Variants in MCM3AP observed in about 807,000 individuals in gnomAD.
MCM3AP encodes the protein minichromosome maintenance complex component 3 associated protein.
Under a neutral mutation model 184.1 loss-of-function variants are expected in MCM3AP, and 126 were observed. The observed-to-expected ratio is 0.68, with a 90% CI of 0.59 to 0.79. MCM3AP has a LOEUF of 0.79. Among genes scored for constraint, MCM3AP ranks in the 30% least tolerant of loss-of-function variants. MCM3AP has a pLI of 0.00. For synonymous variants in MCM3AP, 1,002 were observed against 979.3 expected, an observed-to-expected ratio of 1.02 and a Z score of -0.43; for missense variants, 2,496 against 2,479.2, an observed-to-expected ratio of 1.01 and a Z score of -0.14.
chr21:46,283,953 T>C lies in MCM3AP; in HGVS notation c.1219+115A>G, dbSNP rs1042058843. On this transcript the variant is annotated intron_variant, in intron 1 of 27. Coordinates refer to ENST00000291688, the MANE Select transcript of MCM3AP (RefSeq NM_003906.5). The stretch of plus-strand genomic sequence containing the variant: ...TGTAAGACCTGCTCCGATGACATGT[T>C]AGAATCCCTAATGTTTATGGGAGAT... 21 of 1,541,508 alleles carry C rather than the reference T, an allele frequency of 1.4e-5. No homozygotes were observed. In the African/African-American group the frequency reaches 2.2e-4, roughly 16 times the overall value.
At chr21:46,235,572 A>G in intron 27 of MCM3AP, 146 bp from the exon 28 acceptor site, 2 of 651,424 alleles carry the variant, frequency 3.1e-6, no homozygotes, top group Non-Finnish European at 2.6e-6. Flanking sequence ...TATCCTTTGT[A>G]TATCCTTCCA....
intron 17 of MCM3AP, chr21:46,256,484 A>C: frequency 7.5e-6 from 3 of 397,514 alleles, no homozygotes; most frequent in East Asian, 4.5e-5. Context: ...AGTGGCAGGT[A>C]CTTAAACTGG....
intron 2 of MCM3AP, 30 bp downstream of exon 2, chr21:46,283,585 G>C: frequency 3.4e-6 from 5 of 1,490,498 alleles, no homozygotes; most frequent in Non-Finnish European, 2.8e-6. Flanking sequence ...TCAAATCTAG[G>C]GTAACAAATG....
intron 4 of MCM3AP, among the ~76,000 whole-genome samples, chr21:46,278,774 C>T (rs1269678560): frequency 1.3e-5 from 2 of 151,746 alleles, no homozygotes; most frequent in Non-Finnish European, 2.9e-5. Context: ...CCCGGGTTCA[C>T]GCAGTTCTCC....
chr21:46,243,297 C>T, intron 24 of MCM3AP, 168 bp downstream of exon 24: 1 of 859,384 alleles, frequency 1.2e-6, no homozygotes, highest in Non-Finnish European at 1.8e-6. Context: ...AACTTCCTAG[C>T]CTGTCTCAAT....
rs773514273 is a variant in MCM3AP, at chr21:46,284,338, G to C, written c.949C>G (p.Arg317Gly). Residue 317 changes from arginine to glycine, a missense_variant, in exon 1 of 28, where the codon CGG becomes GGG. By Grantham distance (125) the Arg-to-Gly change is moderately radical. This residue lies in a region of MCM3AP where 800 missense variants were observed against 717.1 expected (regional missense o/e 1.12). Coordinates refer to ENST00000291688, the MANE Select transcript of MCM3AP (RefSeq NM_003906.5). ...EPAEDSDPLS[R>G]GDHPPDKRPV... The stretch of plus-strand genomic sequence containing the variant: ...CGTTTGTCTGGAGGATGATCGCCCC[G>C]GGACAGAGGATCCGAATCTTCTGCT... 6.2e-6 allele frequency: 10 copies of C among 1,614,018 alleles called. No homozygotes were observed. The highest frequency in any genetic ancestry group is 5.5e-5 in the South Asian group (5 of 91,082).
At chr21:46,253,103 C>T (rs575339423) in intron 19 of MCM3AP, 3 of 151,920 alleles carry the variant, frequency 2.0e-5, no homozygotes, top group Admixed American at 2.0e-4. Context: ...CACACCACTG[C>T]CCTCTAGCCT....
rs377313347 is a variant in MCM3AP at position 46,276,471 on chromosome 21, C to T, written c.1858+1056G>A. ...TTTTTTTCTTTTTGAGATGGAGTTT[C>T]GCTCTTGCTGCCCAGGCTGGAGTAC... On this transcript the variant is annotated intron_variant, in intron 5 of 27. Coordinates refer to ENST00000291688, the MANE Select transcript of MCM3AP (RefSeq NM_003906.5). 3.0e-4 allele frequency among the ~76,000 whole-genome samples: 46 copies of T among 151,890 alleles called. No individual in the cohort carries two copies. The South Asian group carries it at 8.3e-3, about 28-fold the overall frequency.
chr21:46,266,126 C>T lies in MCM3AP; in HGVS notation c.2830G>A (p.Gly944Arg), dbSNP rs1399269122. ...ACCGACTTCCTGGTCTTGGATAATC[C>T]CTCTGGTTCCAGGAATGCAGACCGG... ...LNRSAFLEPE[G>R]LSKTRKSVFI... Residue 944 changes from glycine to arginine, a missense_variant, in exon 11 of 28, where the codon GGA (glycine) becomes AGA (arginine). This residue lies in a region of MCM3AP where 138 missense variants were observed against 191.9 expected (regional missense o/e 0.72). Coordinates refer to ENST00000291688, the MANE Select transcript of MCM3AP (RefSeq NM_003906.5). The T allele has an allele frequency of 6.2e-7, 1 of 1,611,770 alleles. No homozygotes were observed. The highest frequency in any genetic ancestry group is 8.5e-7 in the Non-Finnish European group (1 of 1,178,992).
intron 8 of MCM3AP, among the ~76,000 whole-genome samples, chr21:46,271,278 C>T (rs1008605481): frequency 4.0e-5 from 6 of 151,190 alleles, no homozygotes; most frequent in Admixed American, 6.6e-5. Flanking sequence ...CCTCTCATCT[C>T]GGCCTCCCAA....
In MCM3AP at chr21:46,285,052, A is replaced by T; in HGVS notation, c.235T>A (p.Ser79Thr). 6.2e-7 allele frequency: 1 copy of T among 1,614,212 alleles called. No homozygotes were observed. Reference sequence around the variant, plus strand: ...AGTCCAGAAAAGGGTCCAACACTTGAGGTTTGGGTGAACCCTAATGTTTGC... The same window carrying T: ...AGTCCAGAAAAGGGTCCAACACTTGTGGTTTGGGTGAACCCTAATGTTTGC... ...SVQTLGFTQTSSVGPFSGLEH... is the reference protein window; with the variant it reads ...SVQTLGFTQTTSVGPFSGLEH... Residue 79 changes from serine (S) to threonine (T), a missense_variant, in exon 1 of 28, where the codon TCA becomes ACA. Ser to Thr is a moderately conservative substitution (Grantham distance 58). This residue lies in a region of MCM3AP where 800 missense variants were observed against 717.1 expected (regional missense o/e 1.12). Coordinates refer to ENST00000291688, the MANE Select transcript of MCM3AP (RefSeq NM_003906.5).
rs780426853 is a variant in MCM3AP, at chr21:46,285,087, G to A, written c.200C>T (p.Ser67Phe). 29 of 1,614,044 alleles carry A rather than the reference G, an allele frequency of 1.8e-5. No homozygotes were observed. In the African/African-American group the frequency reaches 3.5e-4, roughly 19 times the overall value. The change falls in exon 1 of 28, where the codon TCC becomes TTC. Residue 67 changes from serine (S) to phenylalanine (F), a missense_variant. Ser to Phe is a radical substitution (Grantham distance 155, BLOSUM62 -2). Transcript: ENST00000291688. ...GAACCCTAATGTTTGCACTGAAGAG[G>A]AATGACTTACTCCAGAAGACGCTGG... ...SFPASSGVSH[S>F]SSVQTLGFTQ...
chr21:46,278,797 A>C (rs1011960157), intron 4 of MCM3AP, among the ~76,000 whole-genome samples: 4 of 151,484 alleles, frequency 2.6e-5, no homozygotes, highest in Admixed American at 6.6e-5. Context: ...CCTCAGCCTC[A>C]CAAGTAGCTG....
At chr21:46,271,237 T>C (rs1478793109) in intron 8 of MCM3AP, among the ~76,000 whole-genome samples, 1 of 151,828 alleles carries the variant, frequency 6.6e-6, no homozygotes, top group Admixed American at 6.6e-5. Context: ...TCACAGTTCA[T>C]TGCAGCTTCA....
chr21:46,239,347 C>A (rs17176953), intron 26 of MCM3AP, among the ~76,000 whole-genome samples: 2,549 of 152,326 alleles, frequency 0.017, 28 homozygotes, highest in Middle Eastern at 0.041. Flanking sequence ...CTGCAGCCTA[C>A]TGTAATAATC....
chr21:46,273,582 C>G lies in MCM3AP; in HGVS notation c.2002G>C (p.Asp668His), dbSNP rs771821891. Residue 668 changes from aspartate to histidine, a missense_variant, in exon 7 of 28, where the codon GAC becomes CAC. Physicochemically the swap from Asp to His is moderately conservative, Grantham distance 81. This residue lies in a region of MCM3AP where 130 missense variants were observed against 199.8 expected (regional missense o/e 0.65). Transcript: ENST00000291688. Reference sequence around the variant, plus strand: ...TACTCTTTCACAGCTGCTGCGTGGTCCACCTAGAGACATGAAGCCGAGACA... The same window carrying G: ...TACTCTTTCACAGCTGCTGCGTGGTGCACCTAGAGACATGAAGCCGAGACA... ...FEVVPGTDQV[D>H]HAAAVKEYSR... 1.5e-5 allele frequency: 25 copies of G among 1,613,346 alleles called. No individual in the cohort carries two copies. Among genetic ancestry groups the G allele is most frequent in the Admixed American group, 1.0e-4 (6 of 59,970 alleles).
chr21:46,254,001 C>G, intron 19 of MCM3AP: 1 of 249,590 alleles, frequency 4.0e-6, no homozygotes, highest in Non-Finnish European at 7.9e-6. Flanking sequence ...CCCCTTCTCT[C>G]TCTCTTCCTC....
chr21:46,264,225 G>C lies in MCM3AP; in HGVS notation c.3235-8C>G. The C allele has an allele frequency of 2.5e-6, 4 of 1,592,162 alleles. No individual in the cohort carries two copies. The highest frequency in any genetic ancestry group is 2.6e-6 in the Non-Finnish European group (3 of 1,162,260). On this transcript the variant is annotated splice_region_variant and splice_polypyrimidine_tract_variant and intron_variant, in intron 12 of 27. Transcript: ENST00000291688. ...CACCACCTGCGCCAGGTCCTGTGGA[G>C]AGACCAGCATGGGGTGTAATGGAAC...
chr21:46,274,177 G>A (rs1171796976), intron 6 of MCM3AP, among the ~76,000 whole-genome samples: 1 of 152,272 alleles, frequency 6.6e-6, no homozygotes, highest in African/African-American at 2.4e-5. Context: ...ACCAGGCGAA[G>A]GGTGTATAAA....
Sources: gnomAD v4.1 joint callset for allele counts (sites outside exome capture counted in the v4.1 genomes callset) on GRCh38, gnomAD v4.1.1 for gene constraint, gnomAD v4.1.1 regional missense constraint, MANE v1.5 for transcripts, NCBI Gene and HGNC (gene_info 2026-07-23, HGNC 2026-07-21) for gene names.